The following MAF variants were observed in gnomAD, a reference collection of about 807,000 sequenced individuals.
MAF encodes transcription factor Maf.
A neutral mutation model predicts 22.0 loss-of-function variants in MAF; 10 were observed. The ratio of observed to expected loss-of-function variants is 0.45; its 90% CI spans 0.28 to 0.77. The LOEUF is 0.77. Ranked by LOEUF, MAF falls within the 30% of genes least tolerant of loss-of-function variation. The pLI is 0.12. For missense variants in MAF, 544 were observed against 548.4 expected, an observed-to-expected ratio of 0.99 and a Z score of 0.08; for synonymous variants, 337 against 255.8, an observed-to-expected ratio of 1.32 and a Z score of -3.03.
At chr16:79,579,755 C>G in the MAF span, among the ~76,000 whole-genome samples, 5 of 152,136 alleles carry the variant, frequency 3.3e-5, no homozygotes, top group Non-Finnish European at 5.9e-5. Context: ...AGGATCTCAT[C>G]TTTCCTAAAG....
chr16:79,401,000 C>T, the MAF span, among the ~76,000 whole-genome samples: 1 of 152,218 alleles, frequency 6.6e-6, no homozygotes, highest in South Asian at 2.1e-4. Flanking sequence ...CCTGGGGCCA[C>T]AGACTCTGTC....
At chr16:79,404,237 C>T in the MAF span, among the ~76,000 whole-genome samples, 1 of 149,030 alleles carries the variant, frequency 6.7e-6, no homozygotes, top group African/African-American at 2.5e-5. Context: ...AATCTCGGCT[C>T]ACTGCAACCT....
chr16:79,237,590 C>G, the MAF span, among the ~76,000 whole-genome samples: 77 of 152,070 alleles, frequency 5.1e-4, 2 homozygotes, highest in Non-Finnish European at 9.6e-4. Context: ...CGTGGAAATT[C>G]TGAGTAGGTG....
chr16:79,298,050 T>C, the MAF span, among the ~76,000 whole-genome samples: 8 of 152,246 alleles, frequency 5.3e-5, no homozygotes, highest in Non-Finnish European at 1.2e-4. Flanking sequence ...GGGCTACTTG[T>C]TTGAAATTAT....
At chr16:79,559,241 T>G in the MAF span, among the ~76,000 whole-genome samples, 5 of 152,170 alleles carry the variant, frequency 3.3e-5, no homozygotes, top group African/African-American at 1.2e-4. Flanking sequence ...ACACTTAACA[T>G]TCTTCATTAG....
the MAF span, among the ~76,000 whole-genome samples, chr16:79,306,869 T>A: frequency 6.6e-6 from 1 of 152,240 alleles, no homozygotes; most frequent in Non-Finnish European, 1.5e-5. Context: ...AAAATGGAGA[T>A]GATAACAGTA....
At chr16:79,306,375 T>A in the MAF span, among the ~76,000 whole-genome samples, 1 of 152,226 alleles carries the variant, frequency 6.6e-6, no homozygotes, top group East Asian at 1.9e-4. Context: ...CATTCATTCG[T>A]TCCACACACA....
At chr16:79,498,957 A>G in the MAF span, among the ~76,000 whole-genome samples, 1 of 152,208 alleles carries the variant, frequency 6.6e-6, no homozygotes, top group African/African-American at 2.4e-5. Context: ...GCAAGGAATT[A>G]CAGAAAGATA....
chr16:79,568,484 C>T, the MAF span, among the ~76,000 whole-genome samples: 1 of 152,156 alleles, frequency 6.6e-6, no homozygotes, highest in East Asian at 1.9e-4. Context: ...GGTCTTTTAT[C>T]TTCTCAACAT....
the MAF span, among the ~76,000 whole-genome samples, chr16:79,283,499 C>T: frequency 2.0e-5 from 3 of 152,154 alleles, no homozygotes; most frequent in Non-Finnish European, 4.4e-5. Context: ...AATTCTACAT[C>T]CAACGCCTTT....
At chr16:79,399,502 C>T in the MAF span, among the ~76,000 whole-genome samples, 1 of 152,204 alleles carries the variant, frequency 6.6e-6, no homozygotes, top group African/African-American at 2.4e-5. Context: ...AACATCATGG[C>T]TTCAGCCTAG....
chr16:79,360,609 T>A, the MAF span, among the ~76,000 whole-genome samples: 8 of 152,340 alleles, frequency 5.3e-5, no homozygotes, highest in East Asian at 1.5e-3. Context: ...ATTAACCAAT[T>A]TGACTTGAGT....
chr16:79,409,575 G>A, the MAF span, among the ~76,000 whole-genome samples: 2 of 152,214 alleles, frequency 1.3e-5, no homozygotes, highest in Admixed American at 6.5e-5. Context: ...AGCCCACCCA[G>A]GAGGAGTGAT....
chr16:79,325,978 T>C, the MAF span, among the ~76,000 whole-genome samples: 3 of 152,196 alleles, frequency 2.0e-5, no homozygotes, highest in African/African-American at 7.2e-5. Flanking sequence ...GAGAGGCAGA[T>C]GAAAGGTTTA....
At chr16:79,354,990 G>A in the MAF span, among the ~76,000 whole-genome samples, 3 of 152,092 alleles carry the variant, frequency 2.0e-5, no homozygotes, top group Non-Finnish European at 2.9e-5. Flanking sequence ...ACCTGTTTGG[G>A]AGACAGTCAG....
the MAF span, among the ~76,000 whole-genome samples, chr16:79,280,057 G>A: frequency 6.6e-6 from 1 of 152,170 alleles, no homozygotes; most frequent in Non-Finnish European, 1.5e-5. Context: ...ATGATGTGAG[G>A]CCACAGCAGG....
chr16:79,507,067 A>G, the MAF span, among the ~76,000 whole-genome samples: 2 of 151,442 alleles, frequency 1.3e-5, no homozygotes, highest in Non-Finnish European at 1.5e-5. Flanking sequence ...TGTGTGTACC[A>G]CTAGTGTTAT....
chr16:79,526,988 T>C, the MAF span, among the ~76,000 whole-genome samples: 1 of 152,216 alleles, frequency 6.6e-6, no homozygotes, highest in South Asian at 2.1e-4. Flanking sequence ...TGGCTGTTTT[T>C]AAGAATGACT....
chr16:79,204,732 C>T, the MAF span: 1 of 152,210 alleles, frequency 6.6e-6, no homozygotes, highest in Non-Finnish European at 1.5e-5. Context: ...TTGGCCTTCC[C>T]AGAACAAACA....
Sources: gnomAD v4.1 joint callset for allele counts (sites outside exome capture counted in the v4.1 genomes callset) on GRCh38, gnomAD v4.1.1 for gene constraint, MANE v1.5 for transcripts, NCBI Gene and HGNC (gene_info 2026-07-23, HGNC 2026-07-21) for gene names.